Variants in MAPK8IP3 observed in about 807,000 individuals in gnomAD.
MAPK8IP3 encodes mitogen-activated protein kinase 8 interacting protein 3, also known as C-Jun-amino-terminal kinase-interacting protein 3.
MAPK8IP3 carries 49 observed loss-of-function variants against 157.8 expected under a neutral mutation model. That is an observed-to-expected ratio of 0.31 (90% CI 0.25 to 0.39). The LOEUF is 0.39. Among genes scored for constraint, MAPK8IP3 ranks in the 10% least tolerant of loss-of-function variants. The probability of loss-of-function intolerance (pLI) is 1.00; values close to 1 mark genes in which losing one functional copy is unlikely to be tolerated. For missense variants in MAPK8IP3, 1,478 were observed against 1,889.4 expected, an observed-to-expected ratio of 0.78 and a Z score of 4.04; for synonymous variants, 897 against 777.7, an observed-to-expected ratio of 1.15 and a Z score of -2.55.
chr16:1,711,012 C>T (rs1157694032), intron 1 of MAPK8IP3, among the ~76,000 whole-genome samples: 1 of 152,230 alleles, frequency 6.6e-6, no homozygotes, highest in African/African-American at 2.4e-5. Flanking sequence ...GCGCAGCCTG[C>T]CCCTCTGCCG....
rs1567214477 is a variant in MAPK8IP3 at position 1,767,938 on chromosome 16, G to A, written c.3523+20G>A. The stretch of plus-strand genomic sequence containing the variant: ...CAGAGAGTGAGTGGCCTGCACACCT[G>A]CAGGGGCAGTGGTGCTGCCAGAGGT... On this transcript the variant is annotated intron_variant, in intron 28 of 31. Transcript: ENST00000610761. 6.2e-7 allele frequency: 1 copy of A among 1,607,934 alleles called. No homozygotes were observed. The highest frequency in any genetic ancestry group is 2.2e-5 in the East Asian group (1 of 44,856).
rs2040763553 is a variant in MAPK8IP3 at position 1,742,923 on chromosome 16, C to T, written c.603-409C>T. ...GGATCATCAGGTCAGGAGATCGAGA[C>T]CATCCTGGCTAACACGGTGAAACCC... On this transcript the variant is annotated intron_variant, in intron 4 of 31. Transcript: ENST00000610761. The surrounding 1 kb of genome is among the most constrained non-coding windows in gnomAD (Gnocchi z 5.0). Among the ~76,000 whole-genome samples, 1 of 151,910 alleles carries T rather than the reference C, an allele frequency of 6.6e-6. No individual in the cohort carries two copies. The highest frequency in any genetic ancestry group is 2.4e-5 in the African/African-American group (1 of 41,336).
intron 4 of MAPK8IP3, among the ~76,000 whole-genome samples, chr16:1,734,139 A>G (rs538495021): frequency 2.0e-5 from 3 of 152,344 alleles, no homozygotes; most frequent in East Asian, 1.9e-4. Context: ...GCGCAGCTAC[A>G]TTACTCTGGC....
intron 25 of MAPK8IP3, 53 bp downstream of exon 25, chr16:1,767,024 G>A (rs2042310292): frequency 6.4e-7 from 1 of 1,567,136 alleles, no homozygotes; most frequent in South Asian, 1.2e-5. Context: ...CCCTGGCATT[G>A]TTTAGCCAAG....
Position 1,736,998 on chromosome 16 carries a change from G to A in MAPK8IP3, c.603-6334G>A, listed in dbSNP as rs568468223. Among the ~76,000 whole-genome samples, 43 of 82,718 alleles carry A rather than the reference G, an allele frequency of 5.2e-4. 3 individuals are homozygous for A. The highest frequency in any genetic ancestry group is 1.9e-3 in the African/African-American group (41 of 21,304). 54.3% of individuals were successfully genotyped at this position (82,718 alleles called of 152,430 possible). ...CGTCCGTGTGAGCATCCGTGTGAGC[G>A]TGTGACCGTCCGTGTGAGAGTGTGA... On this transcript the variant is annotated intron_variant, in intron 4 of 31. Transcript: ENST00000610761.
At chr16:1,748,966 G>C (rs1244657971) in intron 8 of MAPK8IP3, 1 of 652,934 alleles carries the variant, frequency 1.5e-6, no homozygotes, top group African/African-American at 1.8e-5. Flanking sequence ...AAGTGGTGTA[G>C]TGTTTGCACC....
At chr16:1,718,534 C>T (rs1267999751) in intron 1 of MAPK8IP3, among the ~76,000 whole-genome samples, 2 of 151,748 alleles carry the variant, frequency 1.3e-5, no homozygotes, top group African/African-American at 4.8e-5. Flanking sequence ...TGGCTCTCGC[C>T]TGTAATACCA....
At chr16:1,744,083 G>T (rs747354891) in intron 5 of MAPK8IP3, 2 of 988,052 alleles carry the variant, frequency 2.0e-6, no homozygotes, top group Non-Finnish European at 1.2e-6. Context: ...ACAGCCAGCC[G>T]GTGAGTGCAC....
intron 8 of MAPK8IP3, among the ~76,000 whole-genome samples, chr16:1,756,625 C>A (rs1366480690): frequency 3.4e-5 from 1 of 29,840 alleles, no homozygotes; most frequent in Non-Finnish European, 5.5e-5. Context: ...TTTACTAAAA[C>A]ACACACACAC....
At chr16:1,714,319 A>T (rs1270481477) in intron 1 of MAPK8IP3, 2 of 146,120 alleles carry the variant, frequency 1.4e-5, no homozygotes, top group Non-Finnish European at 2.9e-5. Flanking sequence ...AAACCCAGAG[A>T]CTAGAATCCG....
Position 1,764,916 on chromosome 16 carries a change from G to T in MAPK8IP3, c.2281-97G>T, listed in dbSNP as rs562985958. The T allele has an allele frequency of 6.3e-6, 8 of 1,269,352 alleles. No homozygotes were observed. The South Asian group carries it at 8.4e-5, about 13-fold the overall frequency. The allele number at this position is 1,269,352 out of a possible 1,614,324, so 78.6% of individuals were successfully genotyped here. A position where few individuals can be genotyped will look rare whatever the true frequency, so the allele number is the denominator to read the frequency against. ...CATGTCCCCTCAAGCTGTAGTCAAG[G>T]CTGGATCCTGACAGATTCTGGGAGC... On this transcript the variant is annotated intron_variant, in intron 19 of 31. Coordinates refer to ENST00000610761, the MANE Select transcript of MAPK8IP3 (RefSeq NM_001318852.2).
rs558329025 is a variant in MAPK8IP3 at position 1,744,839 on chromosome 16, T to A, written c.747+1363T>A. On this transcript the variant is annotated intron_variant, in intron 5 of 31. Transcript: ENST00000610761. ...GTTTTCGTTCATAGGAGTGTTTTAT[T>A]TGATTTTTCTTTATTTTAAATTATT... is the stretch of plus-strand genomic sequence containing the variant. The A allele has an allele frequency of 9.8e-4, 965 of 980,986 alleles. 1 individual carries two copies. The highest frequency in any genetic ancestry group is 1.1e-3 in the Non-Finnish European group (931 of 825,850). The allele number at this position is 980,986 out of a possible 1,614,324, so 60.8% of individuals were successfully genotyped here.
At position 1,748,729 on chromosome 16, in the gene MAPK8IP3, A is replaced by G. The variant is rs766626542; in HGVS notation, c.1216+9A>G. 3 of 1,607,382 alleles carry G rather than the reference A, an allele frequency of 1.9e-6. No homozygotes were observed. The Admixed American group carries it at 5.0e-5, about 27-fold the overall frequency. On this transcript the variant is annotated intron_variant, in intron 8 of 31. Transcript: ENST00000610761. Reference sequence around the variant, plus strand: ...AGGGGCCGACCTCCTAGGTAAGCGCAAGCCTTCCCCCGCACCGCTGTGCCT... The same window carrying G: ...AGGGGCCGACCTCCTAGGTAAGCGCGAGCCTTCCCCCGCACCGCTGTGCCT...
chr16:1,736,495 CGT>C (rs1299426726), intron 4 of MAPK8IP3, among the ~76,000 whole-genome samples: 1 of 38,022 alleles, frequency 2.6e-5, no homozygotes, highest in Non-Finnish European at 4.3e-5. Context: ...CGTGAGCGTC[CGT>C]GTGAGCGTGT....
chr16:1,744,939 G>GTT, intron 5 of MAPK8IP3: 1 of 980,602 alleles, frequency 1.0e-6, no homozygotes, highest in African/African-American at 1.8e-5. Context: ...GTTGTTTTTT[G>GTT]TTTTGTTTTG....
At chr16:1,767,042 C>A (rs375218229) in intron 25 of MAPK8IP3, 71 bp downstream of exon 25, 7 of 1,569,380 alleles carry the variant, frequency 4.5e-6, no homozygotes, top group East Asian at 4.5e-5. Flanking sequence ...AAGGGGCTCC[C>A]GGGGTTCCAG....
At chr16:1,760,562 AGAGGGACCCC>A in intron 12 of MAPK8IP3, 30 bp downstream of exon 12, 1 of 1,597,344 alleles carries the variant, frequency 6.3e-7, no homozygotes, top group Non-Finnish European at 8.6e-7. Flanking sequence ...AGCTGGTCAG[AGAGGGACCCC>A]GGCCTCAGGG....
At chr16:1,729,614 C>CGCGGCGGG in intron 4 of MAPK8IP3, 36 bp downstream of exon 4, 1 of 1,544,694 alleles carries the variant, frequency 6.5e-7, no homozygotes. Flanking sequence ...GTACGCGGGG[C>CGCGGCGGG]GCGGCGGGGC....
chr16:1,728,306 C>T (rs1406674233), intron 2 of MAPK8IP3, among the ~76,000 whole-genome samples: 1 of 152,204 alleles, frequency 6.6e-6, no homozygotes, highest in Non-Finnish European at 1.5e-5. Flanking sequence ...ATTGGCCTCC[C>T]CAGCCCTCGG....
Sources: gnomAD v4.1 joint callset for allele counts (sites outside exome capture counted in the v4.1 genomes callset) on GRCh38, gnomAD v4.1.1 for gene constraint, Gnocchi (gnomAD v3.1) non-coding constraint, MANE v1.5 for transcripts, NCBI Gene and HGNC (gene_info 2026-07-23, HGNC 2026-07-21) for gene names.